Variants in TEAD4 observed in about 807,000 individuals in gnomAD.
TEAD4 encodes transcriptional enhancer factor TEF-3.
Under a neutral mutation model 52.4 loss-of-function variants are expected in TEAD4, and 36 were observed. The observed-to-expected ratio is 0.69, with a 90% CI of 0.53 to 0.91. The LOEUF is 0.91. Among genes scored for constraint, TEAD4 ranks in the 40% least tolerant of loss-of-function variants. TEAD4 has a pLI of 0.00. For missense variants in TEAD4, 508 were observed against 583.9 expected (o/e 0.87, Z 1.34); for synonymous variants, 220 against 231.0 (o/e 0.95, Z 0.43).
At chr12:3,021,195 G>A (rs1455201459) in intron 9 of TEAD4, among the ~76,000 whole-genome samples, 12 of 152,112 alleles carry the variant, frequency 7.9e-5, no homozygotes, top group Non-Finnish European at 1.6e-4. Context: ...TGTCCCCTTC[G>A]GTGTCCAGTG....
chr12:2,999,501 A>T (rs1171431232), intron 3 of TEAD4, among the ~76,000 whole-genome samples: 1 of 152,228 alleles, frequency 6.6e-6, no homozygotes, highest in Admixed American at 6.5e-5. Flanking sequence ...CATGCAGATG[A>T]CATGCAAAGC....
chr12:2,995,663 G>T (rs2098246539), intron 3 of TEAD4, among the ~76,000 whole-genome samples: 2 of 152,128 alleles, frequency 1.3e-5, no homozygotes, highest in Admixed American at 6.5e-5. Context: ...CAAGCAGTTG[G>T]CATGGGGCCA....
intron 11 of TEAD4, among the ~76,000 whole-genome samples, chr12:3,039,294 G>A (rs939168705): frequency 3.9e-5 from 6 of 152,180 alleles, no homozygotes; most frequent in African/African-American, 1.4e-4. Context: ...TAAAACTTTT[G>A]AGATAATGGT....
chr12:2,969,733 G>A (rs1464367550), intron 2 of TEAD4, among the ~76,000 whole-genome samples: 3 of 152,232 alleles, frequency 2.0e-5, no homozygotes, highest in Non-Finnish European at 4.4e-5. Flanking sequence ...ATGGGGAGAT[G>A]AGGGAATTAT....
At chr12:3,027,740 G>C (rs2098272917) in intron 10 of TEAD4, among the ~76,000 whole-genome samples, 1 of 152,168 alleles carries the variant, frequency 6.6e-6, no homozygotes, top group Non-Finnish European at 1.5e-5. Flanking sequence ...GGTGGTGCGT[G>C]CCTGTAATCC....
At chr12:3,013,150 C>G (rs1471966045) in intron 5 of TEAD4, among the ~76,000 whole-genome samples, 2 of 151,966 alleles carry the variant, frequency 1.3e-5, no homozygotes, top group Non-Finnish European at 1.5e-5. Flanking sequence ...TGAGGTCTCC[C>G]TATTTTGCCT....
At chr12:2,985,598 C>T (rs1480693543) in intron 2 of TEAD4, among the ~76,000 whole-genome samples, 6 of 143,188 alleles carry the variant, frequency 4.2e-5, no homozygotes, top group African/African-American at 7.6e-5. Flanking sequence ...CTCCGCCTCC[C>T]GGGTTTAAGC....
intron 2 of TEAD4, among the ~76,000 whole-genome samples, chr12:2,963,731 G>GT (rs1188850328): frequency 2.0e-5 from 3 of 152,220 alleles, no homozygotes; most frequent in Admixed American, 6.5e-5. Flanking sequence ...CCCTTAGCTG[G>GT]TGGGGACTGG....
intron 9 of TEAD4, among the ~76,000 whole-genome samples, chr12:3,021,324 T>TC (rs71057877): frequency 2.7e-5 from 4 of 150,074 alleles, no homozygotes; most frequent in South Asian, 4.3e-4. Flanking sequence ...TTTTTTTTTT[T>TC]CTTGAGACAG....
At position 3,038,011 on chromosome 12, in the gene TEAD4, A is replaced by G. The variant is rs536669411; in HGVS notation, c.941A>G (p.Tyr314Cys). The change falls in exon 11 of 13, where the codon TAT becomes TGT. Residue 314 changes from tyrosine (Y) to cysteine (C), a missense_variant. By Grantham distance (194) the Tyr-to-Cys change is radical. Transcript: ENST00000359864. Reference sequence around the variant, plus strand: ...ATCGAGGATGAAGGCAGCTCCTTCTATGGGGTCTCCAGCCAGTATGAGAGC... The same window carrying G: ...ATCGAGGATGAAGGCAGCTCCTTCTGTGGGGTCTCCAGCCAGTATGAGAGC... 8 of 1,614,100 alleles carry G rather than the reference A, an allele frequency of 5.0e-6. No individual in the cohort carries two copies. Among genetic ancestry groups the G allele is most frequent in the Non-Finnish European group, 6.8e-6 (8 of 1,179,986 alleles).
intron 2 of TEAD4, among the ~76,000 whole-genome samples, chr12:2,962,999 T>C (rs2098217105): frequency 6.6e-6 from 1 of 152,098 alleles, no homozygotes; most frequent in Admixed American, 6.6e-5. Context: ...GCCTTGTCGC[T>C]CAGATAAGGT....
At chr12:2,978,461 G>A (rs1484095307) in intron 2 of TEAD4, among the ~76,000 whole-genome samples, 3 of 150,784 alleles carry the variant, frequency 2.0e-5, no homozygotes, top group Non-Finnish European at 4.4e-5. Context: ...TGCCCAGGCT[G>A]GAGTGCAGTG....
chr12:3,024,390 C>T (rs908617753), intron 10 of TEAD4, among the ~76,000 whole-genome samples: 3 of 152,272 alleles, frequency 2.0e-5, no homozygotes, highest in Admixed American at 6.5e-5. Flanking sequence ...GAGCCAAGAA[C>T]GGGCTGGGTG....
chr12:2,972,428 A>C (rs2098225889), intron 2 of TEAD4, among the ~76,000 whole-genome samples: 1 of 150,096 alleles, frequency 6.7e-6, no homozygotes, highest in Admixed American at 6.7e-5. Context: ...CCCTCTGGGC[A>C]GGATAAGAAG....
intron 2 of TEAD4, among the ~76,000 whole-genome samples, chr12:2,966,804 T>C (rs2098220738): frequency 6.6e-6 from 1 of 152,072 alleles, no homozygotes; most frequent in South Asian, 2.1e-4. Flanking sequence ...CCTCCTGGGT[T>C]CAAGCGATTC....
intron 10 of TEAD4, among the ~76,000 whole-genome samples, chr12:3,022,310 G>GA (rs1402287110): frequency 1.3e-5 from 2 of 151,926 alleles, no homozygotes; most frequent in Non-Finnish European, 2.9e-5. Flanking sequence ...TGTAGTTCCA[G>GA]AAAAAGACAA....
intron 2 of TEAD4, among the ~76,000 whole-genome samples, chr12:2,970,499 G>C (rs2098224169): frequency 6.6e-6 from 1 of 152,196 alleles, no homozygotes; most frequent in South Asian, 2.1e-4. Flanking sequence ...TCAAATAAAT[G>C]ACCTATAAAT....
At position 3,011,002 on chromosome 12, in the gene TEAD4, A is replaced by T. The variant is rs1160463023; in HGVS notation, c.227-2A>T. The T allele has an allele frequency of 6.2e-7, 1 of 1,613,980 alleles. No homozygotes were observed. The highest frequency in any genetic ancestry group is 8.5e-7 in the Non-Finnish European group (1 of 1,179,906). ...ACTGAGAGGCTGCTGGTGTCTCTGC[A>T]GGTCGGAACGAGCTGATTGCCCGCT... On this transcript the variant is annotated splice_acceptor_variant, in intron 3 of 12. Coordinates refer to ENST00000359864, the MANE Select transcript of TEAD4 (RefSeq NM_003213.4). LOFTEE classifies it high-confidence loss of function.
intron 2 of TEAD4, among the ~76,000 whole-genome samples, chr12:2,973,936 T>C (rs921413657): frequency 6.6e-6 from 1 of 152,132 alleles, no homozygotes; most frequent in Non-Finnish European, 1.5e-5. Context: ...GTGAGTTTTC[T>C]GGGTCAGGGT....
Sources: allele counts gnomAD v4.1 joint callset (sites outside exome capture counted in the v4.1 genomes callset), GRCh38; gene constraint gnomAD v4.1.1; transcripts MANE v1.5; gene names NCBI Gene and HGNC (gene_info 2026-07-23, HGNC 2026-07-21).